OPA3: variants seen among roughly 807,000 people sequenced by gnomAD.
The protein encoded by OPA3 is outer mitochondrial membrane lipid metabolism regulator OPA3, also known as optic atrophy 3 protein.
In OPA3, 6 loss-of-function variants were observed where a neutral mutation model predicts 4.0. The ratio of observed to expected loss-of-function variants is 1.51; its 90% confidence interval spans 0.83 to 2.99. The LOEUF is 2.99. OPA3 is among the 30% of genes most tolerant of loss of function. The pLI is 0.00. For synonymous variants in OPA3, 105 were observed against 117.1 expected, an observed-to-expected ratio of 0.90 and a Z score of 0.67; for missense variants, 235 against 256.2, an observed-to-expected ratio of 0.92 and a Z score of 0.56.
chr19:45,541,462 T>C (rs751314802), downstream of OPA3, among the ~76,000 whole-genome samples: 1 of 152,194 alleles, frequency 6.6e-6, no homozygotes, highest in Non-Finnish European at 1.5e-5. Context: ...TCCCAGCACT[T>C]TGGGAGGCTG....
At chr19:45,536,567 G>A (rs1334140677) in intron 1 of OPA3, among the ~76,000 whole-genome samples, 3 of 149,140 alleles carry the variant, frequency 2.0e-5, no homozygotes, top group Non-Finnish European at 4.5e-5. Context: ...AAAAAAAAGT[G>A]TATGGAAACA....
intron 1 of OPA3, among the ~76,000 whole-genome samples, chr19:45,558,794 C>T (rs937835817): frequency 6.6e-6 from 1 of 151,386 alleles, no homozygotes; most frequent in Non-Finnish European, 1.5e-5. Context: ...GCATGATCTC[C>T]GCTCTGCAAT....
chr19:45,562,336 T>A (rs1318143240), intron 1 of OPA3, among the ~76,000 whole-genome samples: 5 of 89,200 alleles, frequency 5.6e-5, no homozygotes, highest in African/African-American at 2.5e-4. Context: ...ACAGTGAGAC[T>A]CCATCTCAAA....
intron 1 of OPA3, among the ~76,000 whole-genome samples, chr19:45,531,661 T>C (rs1969062481): frequency 6.6e-6 from 1 of 152,166 alleles, no homozygotes; most frequent in African/African-American, 2.4e-5. Context: ...GAAATATCTT[T>C]TTCCACCTTC....
intron 1 of OPA3, among the ~76,000 whole-genome samples, chr19:45,562,343 CAA>C (rs1218744939): frequency 1.4e-5 from 1 of 69,540 alleles, no homozygotes. Context: ...GACTCCATCT[CAA>C]AAAAAAAAAA....
intron 1 of OPA3, among the ~76,000 whole-genome samples, chr19:45,581,727 C>A (rs763793290): frequency 6.6e-6 from 1 of 152,200 alleles, no homozygotes; most frequent in African/African-American, 2.4e-5. Flanking sequence ...CTAGACAGAG[C>A]TGATTCATCA....
At chr19:45,539,372 G>A (rs1050545263) in intron 1 of OPA3, among the ~76,000 whole-genome samples, 3 of 152,178 alleles carry the variant, frequency 2.0e-5, no homozygotes, top group Non-Finnish European at 4.4e-5. Flanking sequence ...GCTACTCATC[G>A]CTTGAACCCA....
downstream of OPA3, among the ~76,000 whole-genome samples, chr19:45,544,471 C>G (rs1969221779): frequency 1.3e-5 from 2 of 152,072 alleles, no homozygotes; most frequent in African/African-American, 4.8e-5. Context: ...ACCAGCCTGG[C>G]CAACACGATG....
At chr19:45,540,037 G>A (rs898571861) in intron 1 of OPA3, among the ~76,000 whole-genome samples, 2 of 152,016 alleles carry the variant, frequency 1.3e-5, no homozygotes, top group East Asian at 1.9e-4. Context: ...GGTGAGTTTC[G>A]GCCAGGCGCA....
intron 1 of OPA3, among the ~76,000 whole-genome samples, chr19:45,536,214 C>A (rs1969115885): frequency 7.6e-6 from 1 of 131,096 alleles, no homozygotes; most frequent in Admixed American, 8.5e-5. Context: ...GATGACACAG[C>A]AAGACTCTAT....
At chr19:45,575,460 G>C (rs1969752194) in intron 1 of OPA3, among the ~76,000 whole-genome samples, 1 of 152,036 alleles carries the variant, frequency 6.6e-6, no homozygotes, top group South Asian at 2.1e-4. Context: ...CTGAAACCAA[G>C]TCCATGGCCT....
chr19:45,537,105 C>T (rs1384399806), intron 1 of OPA3, among the ~76,000 whole-genome samples: 1 of 152,068 alleles, frequency 6.6e-6, no homozygotes. Context: ...GGTGCACCTG[C>T]CACCATGCCA....
intron 1 of OPA3, among the ~76,000 whole-genome samples, chr19:45,538,749 A>G (rs1380520368): frequency 6.6e-6 from 1 of 151,964 alleles, no homozygotes; most frequent in Non-Finnish European, 1.5e-5. Flanking sequence ...AAAGATGCTC[A>G]ACACATTAGT....
At position 45,529,449 on chromosome 19, in the gene OPA3, G is replaced by C. The variant is rs771376809; in HGVS notation, c.150C>G (p.His50Gln). 9.3e-6 allele frequency: 15 copies of C among 1,614,018 alleles called. No homozygotes were observed. The East Asian group carries it at 3.3e-4, about 36-fold the overall frequency. Reference sequence around the variant, plus strand: ...GCATTTTGGTCCGCATCTCCAGCCAGTGGTACACTGCAGGAAAAGACAGGA... The same window carrying C: ...GCATTTTGGTCCGCATCTCCAGCCACTGGTACACTGCAGGAAAAGACAGGA... The change falls in exon 2 of 2, where the codon CAC becomes CAG. Residue 50 changes from histidine to glutamine, a missense_variant. Transcript: ENST00000323060.
At chr19:45,558,691 G>C (rs1490998886) in intron 1 of OPA3, among the ~76,000 whole-genome samples, 1 of 151,352 alleles carries the variant, frequency 6.6e-6, no homozygotes, top group African/African-American at 2.4e-5. Flanking sequence ...CAGGGGATTT[G>C]TATGCAGTTT....
Position 45,536,398 on chromosome 19 carries a change from A to G in OPA3, c.143-6942T>C, listed in dbSNP as rs142654311. ...GTCTCTACTAAAAATACAACAAAAA[A>G]TTAGCCAGGCATGGTGACGGGTGCC... On this transcript the variant is annotated intron_variant, in intron 1 of 1. Coordinates refer to the OPA3 transcript ENST00000323060. Among the ~76,000 whole-genome samples the G allele has an allele frequency of 3.0e-4, 46 of 152,068 alleles. 1 individual carries two copies. The highest frequency in any genetic ancestry group is 1.1e-3 in the African/African-American group (46 of 41,484).
chr19:45,577,461 G>T (rs570119460), intron 1 of OPA3, among the ~76,000 whole-genome samples: 1 of 152,180 alleles, frequency 6.6e-6, no homozygotes, highest in African/African-American at 2.4e-5. Flanking sequence ...ATTAAAAGGT[G>T]TAAATGTAAG....
At chr19:45,563,087 T>C (rs995711295) in intron 1 of OPA3, among the ~76,000 whole-genome samples, 1 of 152,202 alleles carries the variant, frequency 6.6e-6, no homozygotes, top group Admixed American at 6.5e-5. Flanking sequence ...TGGGCATTTA[T>C]GTCAGGTTCA....
At chr19:45,572,135 A>T (rs1172288635) in intron 1 of OPA3, among the ~76,000 whole-genome samples, 1 of 142,810 alleles carries the variant, frequency 7.0e-6, no homozygotes, top group African/African-American at 2.6e-5. Context: ...ATATATATAT[A>T]TTTTGTATTT....
Sources: gnomAD v4.1 joint callset for allele counts (sites outside exome capture counted in the v4.1 genomes callset) on GRCh38, gnomAD v4.1.1 for gene constraint, MANE v1.5 for transcripts, NCBI Gene and HGNC (gene_info 2026-07-23, HGNC 2026-07-21) for gene names.